Variants in ATXN7L1 observed in about 807,000 individuals in gnomAD.
ATXN7L1 encodes ataxin-7-like protein 1.
ATXN7L1 carries 15 observed loss-of-function variants against 70.8 expected under a neutral mutation model. The observed-to-expected ratio is 0.21, with a 90% CI of 0.14 to 0.33. The LOEUF is 0.33. Among genes scored for constraint, ATXN7L1 ranks in the 10% least tolerant of loss-of-function variants. The pLI, the probability that ATXN7L1 is intolerant of heterozygous loss-of-function variation, is 1.00. For missense variants in ATXN7L1, 975 were observed against 1,097.1 expected, an observed-to-expected ratio of 0.89 and a Z score of 1.57; for synonymous variants, 440 against 445.1, an observed-to-expected ratio of 0.99 and a Z score of 0.14.
intron 3 of ATXN7L1, among the ~76,000 whole-genome samples, chr7:105,756,373 A>T (rs1939551): frequency 0.23 from 34,436 of 152,052 alleles, 4,168 homozygotes; most frequent in East Asian, 0.3. Context: ...AGAGAGAAAA[A>T]TGTGAATGTG....
chr7:105,861,916 G>A (rs1031012678), intron 2 of ATXN7L1, among the ~76,000 whole-genome samples: 5 of 152,174 alleles, frequency 3.3e-5, no homozygotes, highest in East Asian at 3.9e-4. Context: ...CTTGTGTACC[G>A]GGTTTGTGTT....
intron 3 of ATXN7L1, among the ~76,000 whole-genome samples, chr7:105,715,024 G>A (rs1463452513): frequency 5.3e-5 from 8 of 152,282 alleles, no homozygotes; most frequent in Admixed American, 2.0e-4. Flanking sequence ...TTGAGGGTGC[G>A]TGTGTGGTGT....
intron 3 of ATXN7L1, among the ~76,000 whole-genome samples, chr7:105,668,455 T>C (rs2116086563): frequency 6.6e-6 from 1 of 152,236 alleles, no homozygotes; most frequent in South Asian, 2.1e-4. Context: ...TGGAGTGCAG[T>C]GGCAGGATCT....
At chr7:105,833,820 G>T (rs1257824172) in intron 2 of ATXN7L1, among the ~76,000 whole-genome samples, 2 of 152,102 alleles carry the variant, frequency 1.3e-5, no homozygotes, top group Non-Finnish European at 2.9e-5. Context: ...AGAAGAGGGG[G>T]TATAGATGAT....
At chr7:105,733,801 TCCACCCAACCAC>T (rs201691918) in intron 3 of ATXN7L1, among the ~76,000 whole-genome samples, 61 of 114,636 alleles carry the variant, frequency 5.3e-4, no homozygotes, top group Admixed American at 7.4e-4. Flanking sequence ...CTTCCATCCA[TCCACCCAACCAC>T]CCATCCATCC....
intron 3 of ATXN7L1, among the ~76,000 whole-genome samples, chr7:105,748,296 G>T (rs1329653381): frequency 1.3e-5 from 2 of 152,156 alleles, no homozygotes; most frequent in Non-Finnish European, 2.9e-5. Flanking sequence ...GGGCAGCGGT[G>T]GGATGCTGGA....
At chr7:105,736,915 T>C (rs1797442656) in intron 3 of ATXN7L1, among the ~76,000 whole-genome samples, 1 of 152,246 alleles carries the variant, frequency 6.6e-6, no homozygotes, top group South Asian at 2.1e-4. Flanking sequence ...ATGTGTTCTT[T>C]TTAGGTTTGG....
intron 3 of ATXN7L1, among the ~76,000 whole-genome samples, chr7:105,728,059 T>G (rs1796121691): frequency 6.6e-6 from 1 of 152,008 alleles, no homozygotes; most frequent in Non-Finnish European, 1.5e-5. Flanking sequence ...TTGCTTCTCA[T>G]GGTAGTTGTT....
At chr7:105,743,492 C>G (rs1435828367) in intron 3 of ATXN7L1, among the ~76,000 whole-genome samples, 1 of 152,208 alleles carries the variant, frequency 6.6e-6, no homozygotes, top group East Asian at 1.9e-4. Context: ...TTACAGGACT[C>G]TAACAATCAC....
At chr7:105,775,872 T>C (rs971996252) in intron 3 of ATXN7L1, among the ~76,000 whole-genome samples, 12 of 152,198 alleles carry the variant, frequency 7.9e-5, no homozygotes, top group Non-Finnish European at 1.0e-4. Context: ...TTTTTGTTTT[T>C]GACTCCAAGA....
chr7:105,873,140 C>A (rs1433049435), intron 2 of ATXN7L1, among the ~76,000 whole-genome samples: 1 of 146,458 alleles, frequency 6.8e-6, no homozygotes. Flanking sequence ...GGCGGCAGAG[C>A]AAGACTCCGT....
chr7:105,714,020 A>G (rs1794232956), intron 3 of ATXN7L1, among the ~76,000 whole-genome samples: 1 of 152,244 alleles, frequency 6.6e-6, no homozygotes. Flanking sequence ...TGTTGCTAAT[A>G]AAAGCAAACC....
chr7:105,722,935 G>T (rs756590306), intron 3 of ATXN7L1, among the ~76,000 whole-genome samples: 9 of 152,110 alleles, frequency 5.9e-5, no homozygotes, highest in Non-Finnish European at 1.2e-4. Flanking sequence ...TACAAGCCAG[G>T]TGTAGTGGTG....
intron 3 of ATXN7L1, among the ~76,000 whole-genome samples, chr7:105,731,464 C>T (rs1160820171): frequency 1.4e-5 from 2 of 140,698 alleles, no homozygotes; most frequent in Admixed American, 7.6e-5. Context: ...GATGGAGTCT[C>T]GCTCCTGTTG....
intron 2 of ATXN7L1, among the ~76,000 whole-genome samples, chr7:105,836,166 C>A (rs1366117918): frequency 3.9e-5 from 6 of 152,164 alleles, no homozygotes; most frequent in African/African-American, 1.4e-4. Context: ...TGGGATGGCA[C>A]TGGGCTATGG....
At chr7:105,679,303 T>A in intron 3 of ATXN7L1, 1 of 274,024 alleles carries the variant, frequency 3.6e-6, no homozygotes, top group Non-Finnish European at 5.6e-6. Flanking sequence ...ACACAAGGTG[T>A]GGTCAGAGGC....
At chr7:105,851,142 T>C (rs754854312) in intron 2 of ATXN7L1, among the ~76,000 whole-genome samples, 4 of 152,128 alleles carry the variant, frequency 2.6e-5, no homozygotes, top group Non-Finnish European at 5.9e-5. Context: ...CAGGCAATAA[T>C]ACCAGCTACC....
rs559686005 is a variant in ATXN7L1 at position 105,863,092 on chromosome 7, T to C, written c.250+12720A>G. Among the ~76,000 whole-genome samples, 10 of 152,156 alleles carry C rather than the reference T, an allele frequency of 6.6e-5. No homozygotes were observed. The South Asian group carries it at 1.9e-3, about 29-fold the overall frequency. On this transcript the variant is annotated intron_variant, in intron 2 of 11. Coordinates refer to ENST00000419735, the MANE Select transcript of ATXN7L1 (RefSeq NM_020725.2). ...ACACCCTTCATGAAATTACTAACAATCCCAATGCCATGAGGGAAACTGAAC... is the reference window on the plus strand; with the variant it reads ...ACACCCTTCATGAAATTACTAACAACCCCAATGCCATGAGGGAAACTGAAC...
Position 105,873,746 on chromosome 7 carries a change from G to A in ATXN7L1, c.250+2066C>T, listed in dbSNP as rs192085587. ...ATGTATAATTAGGAGCTAAATCTTC[G>A]TACCTTTATAGGACAAAGGACCTAA... is the stretch of plus-strand genomic sequence containing the variant. On this transcript the variant is annotated intron_variant, in intron 2 of 11. Transcript: ENST00000419735. 2.4e-3 allele frequency among the ~76,000 whole-genome samples: 358 copies of A among 152,204 alleles called. 1 individual carries two copies. Among genetic ancestry groups the A allele is most frequent in the African/African-American group, 7.9e-3 (327 of 41,530 alleles).
Sources: gnomAD v4.1 joint callset for allele counts (sites outside exome capture counted in the v4.1 genomes callset) on GRCh38, gnomAD v4.1.1 for gene constraint, MANE v1.5 for transcripts, NCBI Gene and HGNC (gene_info 2026-07-23, HGNC 2026-07-21) for gene names.